Variants in PLXNA1 observed in about 807,000 individuals in gnomAD.
The protein encoded by PLXNA1 is plexin-A1.
PLXNA1 carries 77 observed loss-of-function variants against 191.7 expected under a neutral mutation model. The observed-to-expected ratio is 0.40, with a 90% CI of 0.33 to 0.49. PLXNA1 has a LOEUF of 0.49. Ranked by LOEUF, PLXNA1 falls within the 20% of genes least tolerant of loss-of-function variation. The probability of loss-of-function intolerance (pLI) is 0.63; values close to 1 mark genes in which losing one functional copy is unlikely to be tolerated. For synonymous variants in PLXNA1, 1,137 were observed against 1,156.4 expected (o/e 0.98, Z 0.34); for missense variants, 2,110 against 2,660.2 (o/e 0.79, Z 4.55).
At chr3:126,985,959 C>A (rs2078956424) in intron 1 of PLXNA1, among the ~76,000 whole-genome samples, 1 of 110,812 alleles carries the variant, frequency 9.0e-6, no homozygotes, top group East Asian at 2.9e-4. Flanking sequence ...CCAGGCAAGT[C>A]CCTTCCCAGC....
intron 15 of PLXNA1, among the ~76,000 whole-genome samples, 199 bp from the exon 16 acceptor site, chr3:127,016,318 C>T (rs997592820): frequency 1.3e-5 from 2 of 152,144 alleles, no homozygotes; most frequent in African/African-American, 4.8e-5. Context: ...CAGTGGGGGC[C>T]TGAAGGGGCT....
chr3:127,015,667 G>A (rs371754228), intron 15 of PLXNA1, among the ~76,000 whole-genome samples: 94 of 152,360 alleles, frequency 6.2e-4, no homozygotes, highest in African/African-American at 2.1e-3. Context: ...CCTGAGGCTT[G>A]AAGTGGATAA....
chr3:127,012,739 T>C (rs890779380), intron 10 of PLXNA1, among the ~76,000 whole-genome samples: 5 of 152,258 alleles, frequency 3.3e-5, no homozygotes, highest in Admixed American at 6.5e-5. Flanking sequence ...TACTGTCAGG[T>C]GCAGTGCGTT....
intron 2 of PLXNA1, 93 bp downstream of exon 2, chr3:126,989,880 G>A (rs1474932331): frequency 8.8e-7 from 1 of 1,138,676 alleles, no homozygotes; most frequent in Non-Finnish European, 1.3e-6. Context: ...GGTGCCTGCT[G>A]TGTGCCTGGC....
chr3:127,008,920 G>T (rs1248071326), intron 9 of PLXNA1, among the ~76,000 whole-genome samples: 1 of 152,316 alleles, frequency 6.6e-6, no homozygotes, highest in Admixed American at 6.5e-5. Flanking sequence ...CACAGTGCCT[G>T]TGTCAGGGTG....
rs2079132161 is a variant in PLXNA1 at position 127,017,825 on chromosome 3, C to T, written c.3593C>T (p.Thr1198Ile). Residue 1198 changes from threonine (T) to isoleucine (I), a missense_variant, in exon 19 of 32, where the codon ACC becomes ATC. Around this residue, in one of 4 missense-constraint regions of PLXNA1, gnomAD observed 644 missense variants for 714.3 expected, o/e 0.90. Transcript: ENST00000393409. Reference protein sequence around the residue: ...YTVLIGSTPCTLTVSETQLLC... With the variant: ...YTVLIGSTPCILTVSETQLLC... ...GTGCTCATCGGCTCCACACCCTGTA[C>T]CCTCACCGTGTCGGAGACGCAACTG... 3 of 1,612,950 alleles carry T rather than the reference C, an allele frequency of 1.9e-6. No individual in the cohort carries two copies. Among genetic ancestry groups the T allele is most frequent in the African/African-American group, 2.7e-5 (2 of 74,922 alleles).
At chr3:127,024,148 G>T (rs2079166233) in intron 23 of PLXNA1, among the ~76,000 whole-genome samples, 1 of 152,196 alleles carries the variant, frequency 6.6e-6, no homozygotes, top group South Asian at 2.1e-4. Flanking sequence ...GGCGTCCTGG[G>T]TGAGGTGGAG....
chr3:127,014,007 C>T lies in PLXNA1; in HGVS notation c.2314-13C>T, dbSNP rs371224711. On this transcript the variant is annotated splice_polypyrimidine_tract_variant and intron_variant, in intron 10 of 31. Coordinates refer to ENST00000393409, the MANE Select transcript of PLXNA1 (RefSeq NM_032242.4). ...GCTTAGCTGGGAAGCCTGACGGTGCCATCACCTAACAGTACTCCTACGAGG... is the reference window on the plus strand; with the variant it reads ...GCTTAGCTGGGAAGCCTGACGGTGCTATCACCTAACAGTACTCCTACGAGG... The T allele has an allele frequency of 3.2e-5, 51 of 1,611,168 alleles. No homozygotes were observed. Among genetic ancestry groups the T allele is most frequent in the Non-Finnish European group, 4.3e-5 (51 of 1,177,774 alleles).
In PLXNA1 at chr3:126,988,930, A is replaced by G; in HGVS notation, c.337A>G (p.Asn113Asp). ...CCCCCACGGCCTGGGCAGTACTGAC[A>G]ACGTCAACAAGCTGCTGCTGCTGGA... ...SCPHGLGSTDNVNKLLLLDYA... is the reference protein window; with the variant it reads ...SCPHGLGSTDDVNKLLLLDYA... The change falls in exon 2 of 32, where the codon AAC (asparagine) becomes GAC (aspartate). Residue 113 changes from asparagine to aspartate, a missense_variant. This residue lies in a region of PLXNA1 where 903 missense variants were observed against 1,015.7 expected (regional missense o/e 0.89). Transcript: ENST00000393409. The G allele has an allele frequency of 6.2e-7, 1 of 1,613,174 alleles. No individual in the cohort carries two copies. Among genetic ancestry groups the G allele is most frequent in the Non-Finnish European group, 8.5e-7 (1 of 1,179,994 alleles).
intron 23 of PLXNA1, among the ~76,000 whole-genome samples, chr3:127,025,924 A>G (rs1202517264): frequency 6.6e-6 from 1 of 152,240 alleles, no homozygotes; most frequent in South Asian, 2.1e-4. Context: ...TGTCTTTAGA[A>G]ACAAAAACTT....
chr3:127,000,630 CTG>C (rs1191812858), intron 3 of PLXNA1, among the ~76,000 whole-genome samples: 1 of 152,212 alleles, frequency 6.6e-6, no homozygotes, highest in Non-Finnish European at 1.5e-5. Context: ...CTGGCAGGTG[CTG>C]TGTGAGTCTC....
chr3:127,018,955 A>G (rs985516665), intron 20 of PLXNA1, among the ~76,000 whole-genome samples: 2 of 152,132 alleles, frequency 1.3e-5, no homozygotes, highest in African/African-American at 4.8e-5. Context: ...CCATGCAGCA[A>G]TGGGGAGCCC....
At chr3:127,020,380 A>G in intron 21 of PLXNA1, 36 bp downstream of exon 21, 2 of 1,606,086 alleles carry the variant, frequency 1.2e-6, no homozygotes, top group South Asian at 2.2e-5. Context: ...ACAGGAACTC[A>G]GAGGCAGCTG....
At chr3:127,021,601 A>G (rs1244346489) in intron 21 of PLXNA1, among the ~76,000 whole-genome samples, 1 of 152,136 alleles carries the variant, frequency 6.6e-6, no homozygotes, top group Non-Finnish European at 1.5e-5. Flanking sequence ...ATTGGTTATC[A>G]TTGTCAAGGC....
Position 126,989,284 on chromosome 3 carries a change from A to G in PLXNA1, c.691A>G (p.Ile231Val), listed in dbSNP as rs1356417787. 2 of 1,613,648 alleles carry G rather than the reference A, an allele frequency of 1.2e-6. No individual in the cohort carries two copies. Among genetic ancestry groups the G allele is most frequent in the South Asian group, 1.1e-5 (1 of 91,082 alleles). Residue 231 changes from isoleucine to valine, a missense_variant, in exon 2 of 32, where the codon ATC becomes GTC. This residue lies in a region of PLXNA1 where 903 missense variants were observed against 1,015.7 expected (regional missense o/e 0.89). Coordinates refer to ENST00000393409, the MANE Select transcript of PLXNA1 (RefSeq NM_032242.4). ...TGAGTTTGTGTCATCACAGCTCAAG[A>G]TCCCTTCGGACACGCTGTCCAAGTT... ...QDEFVSSQLK[I>V]PSDTLSKFPA...
intron 25 of PLXNA1, 50 bp from the exon 26 acceptor site, chr3:127,028,943 A>T: frequency 7.0e-7 from 1 of 1,431,212 alleles, no homozygotes. Context: ...GTGATGGAGG[A>T]GGGAAAGAGG....
rs367702766 is a variant in PLXNA1 at position 127,033,954 on chromosome 3, G to A, written c.5628G>A (p.Ala1876=). The A allele has an allele frequency of 7.4e-5, 118 of 1,605,374 alleles. No individual in the cohort carries two copies. The highest frequency in any genetic ancestry group is 8.2e-5 in the Non-Finnish European group (97 of 1,177,430). Residue 1876 remains alanine, a synonymous_variant, in exon 32 of 32, where the codon GCG becomes GCA. Coordinates refer to ENST00000393409, the MANE Select transcript of PLXNA1 (RefSeq NM_032242.4). ...ILAALEKDEQ[A]RRQRLRSKLE... is the part of the protein sequence containing the mutation. ...CAGCCCTGGAGAAGGATGAGCAGGC[G>A]CGGCGGCAGCGGCTGCGGAGCAAGC...
Position 127,020,187 on chromosome 3 carries a change from C to A in PLXNA1, c.3896-15C>A. On this transcript the variant is annotated splice_polypyrimidine_tract_variant and intron_variant, in intron 20 of 31. Coordinates refer to ENST00000393409, the MANE Select transcript of PLXNA1 (RefSeq NM_032242.4). ...CACCAGGGCATGCTGCCCCTGACGC[C>A]GCATCTGGCCACAGCCTTTGCAGAG... 1 of 1,611,604 alleles carries A rather than the reference C, an allele frequency of 6.2e-7. No individual in the cohort carries two copies. The highest frequency in any genetic ancestry group is 1.7e-5 in the Admixed American group (1 of 59,982).
intron 3 of PLXNA1, among the ~76,000 whole-genome samples, chr3:126,995,067 T>C (rs1267655923): frequency 1.3e-5 from 2 of 152,068 alleles, no homozygotes; most frequent in Non-Finnish European, 2.9e-5. Context: ...TTAAAAAGTG[T>C]CTGGGGAGCT....
Sources: gnomAD v4.1 joint callset for allele counts (sites outside exome capture counted in the v4.1 genomes callset) on GRCh38, gnomAD v4.1.1 for gene constraint, gnomAD v4.1.1 regional missense constraint, MANE v1.5 for transcripts, NCBI Gene and HGNC (gene_info 2026-07-23, HGNC 2026-07-21) for gene names.